The following DAB1 variants were observed in gnomAD, a reference collection of about 807,000 sequenced individuals.
DAB1 encodes the protein DAB adaptor protein 1, also known as disabled homolog 1.
In DAB1, 15 loss-of-function variants were observed where a neutral mutation model predicts 64.6. That is an observed-to-expected ratio of 0.23 (90% confidence interval 0.16 to 0.36). The LOEUF (loss-of-function observed/expected upper bound fraction) is 0.36. DAB1 is among the 10% of genes least tolerant of loss of function. DAB1 has a pLI of 1.00. For synonymous variants in DAB1, 235 were observed against 251.9 expected (o/e 0.93, Z 0.64); for missense variants, 596 against 706.7 (o/e 0.84, Z 1.78).
chr1:58,194,390 C>T (rs1393618445), intron 4 of DAB1, among the ~76,000 whole-genome samples: 3 of 152,120 alleles, frequency 2.0e-5, no homozygotes, highest in Non-Finnish European at 4.4e-5. Flanking sequence ...AGTTTCATAC[C>T]TGGCTCAATA....
At chr1:58,302,910 A>G (rs999917994) in intron 4 of DAB1, among the ~76,000 whole-genome samples, 4 of 152,020 alleles carry the variant, frequency 2.6e-5, no homozygotes, top group African/African-American at 9.7e-5. Flanking sequence ...ATATCTCACT[A>G]ATTTCAGTTT....
At chr1:58,418,219 T>C (rs1402846612) in intron 3 of DAB1, among the ~76,000 whole-genome samples, 1 of 152,214 alleles carries the variant, frequency 6.6e-6, no homozygotes, top group Non-Finnish European at 1.5e-5. Context: ...GAAAGCCCTT[T>C]AGTCTAATTT....
chr1:57,227,509 T>C (rs1030846200), intron 2 of DAB1, among the ~76,000 whole-genome samples: 6 of 146,664 alleles, frequency 4.1e-5, no homozygotes, highest in African/African-American at 1.5e-4. Flanking sequence ...GAGGCAGGAT[T>C]TTTTTTCTTT....
chr1:57,695,080 G>T (rs113433250), intron 6 of DAB1, among the ~76,000 whole-genome samples: 1 of 151,344 alleles, frequency 6.6e-6, no homozygotes, highest in South Asian at 2.1e-4. Flanking sequence ...ATAAATTAGC[G>T]GGGCAAGGTG....
chr1:57,998,348 G>A (rs546414298), intron 5 of DAB1, among the ~76,000 whole-genome samples: 5 of 151,502 alleles, frequency 3.3e-5, no homozygotes, highest in African/African-American at 9.7e-5. Context: ...GATGTCACTG[G>A]GTAATCACTT....
chr1:57,274,918 T>C (rs1429127952), intron 2 of DAB1, among the ~76,000 whole-genome samples: 1 of 117,810 alleles, frequency 8.5e-6, no homozygotes, highest in Non-Finnish European at 1.8e-5. Context: ...AGCCATGGGC[T>C]TAACTGCTTA....
In DAB1 at chr1:57,680,753, C is replaced by G. The variant is rs531458255; in HGVS notation, n.552-31088G>C. Among the ~76,000 whole-genome samples the G allele has an allele frequency of 1.4e-4, 22 of 152,208 alleles. 1 individual carries two copies. The South Asian group carries it at 4.6e-3, about 32-fold the overall frequency. On this transcript the variant is annotated intron_variant and non_coding_transcript_variant, in intron 6 of 20. Transcript: ENST00000485760. ...TTCTCCTTTGCCATGTGTCTTAGTC[C>G]AACTAGAATGATGTCTAAGGATGTG...
At chr1:57,142,793 G>A (rs1017141139) in intron 3 of DAB1, among the ~76,000 whole-genome samples, 4 of 152,076 alleles carry the variant, frequency 2.6e-5, no homozygotes, top group East Asian at 1.9e-4. Context: ...CTGTGTGACC[G>A]ATCCTGGTGA....
intron 6 of DAB1, among the ~76,000 whole-genome samples, chr1:57,759,716 G>T (rs1648979404): frequency 6.6e-6 from 1 of 152,128 alleles, no homozygotes; most frequent in African/African-American, 2.4e-5. Context: ...ACTCTTTGGG[G>T]AATAGACTAG....
At chr1:57,693,217 G>C (rs1352744472) in intron 6 of DAB1, among the ~76,000 whole-genome samples, 21 of 152,146 alleles carry the variant, frequency 1.4e-4, no homozygotes, top group Non-Finnish European at 4.4e-5. Context: ...CTACTTAGCA[G>C]GAAGTAGCTA....
intron 4 of DAB1, among the ~76,000 whole-genome samples, chr1:58,157,944 T>C (rs191338202): frequency 3.6e-4 from 55 of 152,314 alleles, no homozygotes; most frequent in African/African-American, 1.3e-3. Flanking sequence ...TGGGACTTAA[T>C]GCACTGGGTA....
intron 2 of DAB1, among the ~76,000 whole-genome samples, chr1:58,525,270 T>C (rs1646331700): frequency 1.3e-5 from 2 of 152,132 alleles, no homozygotes; most frequent in Non-Finnish European, 1.5e-5. Context: ...TTTCAAATTG[T>C]TGCACATTTC....
intron 1 of DAB1, among the ~76,000 whole-genome samples, chr1:57,845,694 A>G (rs1653249329): frequency 6.6e-6 from 1 of 152,200 alleles, no homozygotes; most frequent in African/African-American, 2.4e-5. Flanking sequence ...AGAGCCCTAT[A>G]AAAGGTCATT....
intron 7 of DAB1, among the ~76,000 whole-genome samples, chr1:57,530,314 C>G (rs1644646875): frequency 6.6e-6 from 1 of 152,154 alleles, no homozygotes; most frequent in Admixed American, 6.5e-5. Context: ...TTTCTCTACT[C>G]TTACTATGTG....
intron 3 of DAB1, among the ~76,000 whole-genome samples, chr1:58,401,158 T>C (rs1167500228): frequency 6.6e-6 from 1 of 152,348 alleles, no homozygotes; most frequent in South Asian, 2.1e-4. Context: ...AATCAATTCA[T>C]GCCACTTCTC....
intron 5 of DAB1, among the ~76,000 whole-genome samples, chr1:57,920,943 T>A (rs920625869): frequency 6.8e-6 from 1 of 147,444 alleles, no homozygotes; most frequent in Non-Finnish European, 1.5e-5. Flanking sequence ...TACTTCTAGG[T>A]ATTTATTCTA....
intron 2 of DAB1, among the ~76,000 whole-genome samples, chr1:57,201,414 G>C (rs893868410): frequency 6.6e-6 from 1 of 151,766 alleles, no homozygotes; most frequent in Non-Finnish European, 1.5e-5. Flanking sequence ...GCCTTCTCTC[G>C]GTGTCTGAGG....
intron 3 of DAB1, among the ~76,000 whole-genome samples, chr1:58,450,480 A>T (rs1413214431): frequency 1.3e-5 from 2 of 152,110 alleles, no homozygotes; most frequent in East Asian, 3.9e-4. Flanking sequence ...GAAAAATCGA[A>T]CAGTTGGCTC....
intron 7 of DAB1, among the ~76,000 whole-genome samples, chr1:57,439,419 T>TTTTTTTTG (rs1558381247): frequency 1.8e-5 from 2 of 114,276 alleles, no homozygotes; most frequent in African/African-American, 7.8e-5. Context: ...GGTGATGAGG[T>TTTTTTTTG]TTTTTCTTTT....
Sources: gnomAD v4.1 joint callset for allele counts (sites outside exome capture counted in the v4.1 genomes callset) on GRCh38, gnomAD v4.1.1 for gene constraint, MANE v1.5 for transcripts, NCBI Gene and HGNC (gene_info 2026-07-23, HGNC 2026-07-21) for gene names.